The following KCTD1 variants were observed in gnomAD, a reference collection of about 807,000 sequenced individuals.
KCTD1 encodes BTB/POZ domain-containing protein KCTD1.
A neutral mutation model predicts 66.0 loss-of-function variants in KCTD1; 24 were observed. That is an observed-to-expected ratio of 0.36 (90% CI 0.26 to 0.51). The LOEUF (loss-of-function observed/expected upper bound fraction) is 0.51, where lower values mean the gene tolerates loss of function less well. KCTD1 is among the 20% of genes least tolerant of loss of function. KCTD1 has a pLI of 0.95. For missense variants in KCTD1, 943 were observed against 1,205.2 expected (o/e 0.78, Z 3.22); for synonymous variants, 511 against 517.2 (o/e 0.99, Z 0.16).
In KCTD1 at chr18:26,520,718, C is replaced by G. The variant is rs183614405; in HGVS notation, c.1810-19468G>C. Among the ~76,000 whole-genome samples the G allele has an allele frequency of 1.1e-3, 161 of 152,332 alleles. 3 individuals carry two copies. Among genetic ancestry groups the G allele is most frequent in the African/African-American group, 3.7e-3 (153 of 41,580 alleles). On this transcript the variant is annotated intron_variant, in intron 1 of 4. Transcript: ENST00000580059. ...TTTAAAATGTTTACTATGTCCCAAA[C>G]AAGAGGCTGGAAAATTATTAGCTTT...
intron 1 of KCTD1, among the ~76,000 whole-genome samples, chr18:26,591,768 C>T (rs753901457): frequency 5.9e-5 from 9 of 152,172 alleles, no homozygotes; most frequent in Non-Finnish European, 8.8e-5. Context: ...ATTCGAACCA[C>T]CGAACTTTAT....
At chr18:26,601,092 A>G (rs2144969967) in intron 1 of KCTD1, among the ~76,000 whole-genome samples, 1 of 152,170 alleles carries the variant, frequency 6.6e-6, no homozygotes, top group South Asian at 2.1e-4. Context: ...GGCTAGTCCT[A>G]CGCTTAGAAT....
At chr18:26,600,460 T>G (rs1986866575) in intron 1 of KCTD1, 1 of 664,876 alleles carries the variant, frequency 1.5e-6, no homozygotes, top group Admixed American at 2.2e-5. Flanking sequence ...ATTTGCAGAG[T>G]GGGTGCTTAG....
At chr18:26,653,242 G>C (rs1031286364) in intron 1 of KCTD1, among the ~76,000 whole-genome samples, 1 of 152,152 alleles carries the variant, frequency 6.6e-6, no homozygotes, top group African/African-American at 2.4e-5. Flanking sequence ...CTGCATCACT[G>C]CTTCCTCCGT....
intron 1 of KCTD1, chr18:26,566,884 T>C (rs1234307740): frequency 1.3e-5 from 2 of 150,656 alleles, no homozygotes; most frequent in Non-Finnish European, 2.9e-5. Context: ...GAAGGGATTA[T>C]GATCTATGTA....
chr18:26,510,595 T>A (rs984495232), intron 1 of KCTD1, among the ~76,000 whole-genome samples: 2 of 152,202 alleles, frequency 1.3e-5, no homozygotes, highest in Non-Finnish European at 2.9e-5. Context: ...GAAATATGTA[T>A]CTGAGAAGCT....
upstream of KCTD1, among the ~76,000 whole-genome samples, chr18:26,551,168 C>T (rs1228976830): frequency 6.6e-6 from 1 of 152,310 alleles, no homozygotes; most frequent in East Asian, 1.9e-4. Flanking sequence ...CTGGGTTGGA[C>T]GCTCCGGGAA....
At chr18:26,501,311 C>T in intron 1 of KCTD1, 61 bp from the exon 2 acceptor site, 2 of 1,389,860 alleles carry the variant, frequency 1.4e-6, no homozygotes, top group East Asian at 2.3e-5. Context: ...ATAGGAAATA[C>T]ATATAGCATA....
chr18:26,650,731 G>A (rs2145078716), intron 1 of KCTD1, among the ~76,000 whole-genome samples: 1 of 152,286 alleles, frequency 6.6e-6, no homozygotes, highest in Middle Eastern at 3.4e-3. Flanking sequence ...GAAAGTCTGG[G>A]TCTTTTGTTT....
upstream of KCTD1, among the ~76,000 whole-genome samples, chr18:26,552,283 C>T (rs1031722377): frequency 6.6e-6 from 1 of 152,228 alleles, no homozygotes; most frequent in Admixed American, 6.5e-5. Flanking sequence ...TTCAGCTCTT[C>T]CTCCTTTTTG....
intron 1 of KCTD1, among the ~76,000 whole-genome samples, chr18:26,563,919 T>A (rs186793886): frequency 4.5e-4 from 69 of 152,314 alleles, no homozygotes; most frequent in African/African-American, 1.6e-3. Context: ...TCACTCTGTA[T>A]GGCAGATTTC....
In KCTD1 at chr18:26,580,332, G is replaced by A. The variant is rs564198779; in HGVS notation, c.-16+48815C>T. Among the ~76,000 whole-genome samples the A allele has an allele frequency of 2.6e-5, 4 of 152,122 alleles. No individual in the cohort carries two copies. In the South Asian group the frequency reaches 6.2e-4, roughly 24 times the overall value. On this transcript the variant is annotated intron_variant, in intron 1 of 4. Coordinates refer to the KCTD1 transcript ENST00000317932. Reference sequence around the variant, plus strand: ...AATAGGTGGACTGTGCAGTGGGCGCGGTTTGCATCTAGTAAGGGAACTTAG... The same window carrying A: ...AATAGGTGGACTGTGCAGTGGGCGCAGTTTGCATCTAGTAAGGGAACTTAG...
chr18:26,611,331 G>T (rs1259082987), intron 1 of KCTD1, among the ~76,000 whole-genome samples: 4 of 129,084 alleles, frequency 3.1e-5, no homozygotes, highest in Non-Finnish European at 3.2e-5. Context: ...TAGTAACTGG[G>T]TTTTGTTTGT....
chr18:26,548,465 G>A lies in KCTD1; in HGVS notation c.72C>T (p.Ala24=). 3.2e-6 allele frequency: 4 copies of A among 1,262,042 alleles called. No homozygotes were observed. Among genetic ancestry groups the A allele is most frequent in the Non-Finnish European group, 4.0e-6 (4 of 1,011,610 alleles). The allele number at this position is 1,262,042 out of a possible 1,614,324, so 78.2% of individuals were successfully genotyped here. A position where few individuals can be genotyped will look rare whatever the true frequency, so the allele number is the denominator to read the frequency against. ...CGCCCCGCTCCCCATTGTTCTCGGC[G>A]GCGGCGGCGGCAGCGCTGGCGCTGC... ...AGGSASAAAA[A]AENNGERGEG... The change falls in exon 1 of 5, where the codon GCC becomes GCT. Residue 24 remains alanine (A), a synonymous_variant. Coordinates refer to ENST00000580059, the MANE Select transcript of KCTD1 (RefSeq NM_001142730.3).
chr18:26,620,073 A>T (rs1378556750), intron 1 of KCTD1, among the ~76,000 whole-genome samples: 1 of 152,030 alleles, frequency 6.6e-6, no homozygotes, highest in African/African-American at 2.4e-5. Context: ...AGGTCTCTGA[A>T]CTCCTCGAGG....
At chr18:26,481,504 C>T (rs1981645564) in intron 2 of KCTD1, among the ~76,000 whole-genome samples, 1 of 152,084 alleles carries the variant, frequency 6.6e-6, no homozygotes, top group African/African-American at 2.4e-5. Context: ...CAGCAGAAGC[C>T]AGATCGTAAA....
At chr18:26,550,899 G>A (rs1598937396), upstream of KCTD1, among the ~76,000 whole-genome samples, 1 of 152,224 alleles carries the variant, frequency 6.6e-6, no homozygotes, top group Non-Finnish European at 1.5e-5. This position sits in a 1 kb window ranked among gnomAD's most constrained non-coding sequence, Gnocchi z 5.4. Context: ...GAGAACTCAG[G>A]TGGGTGCCCG....
rs546899042 is a variant in KCTD1, at chr18:26,508,142, C to T, written c.1810-6892G>A. 2.6e-5 allele frequency among the ~76,000 whole-genome samples: 4 copies of T among 152,290 alleles called. 1 individual carries two copies. The South Asian group carries it at 8.3e-4, about 32-fold the overall frequency. ...TCACCAAATCTGACTAAAATATACT[C>T]TGACATGAAACAGCCCTTAGGAATT... On this transcript the variant is annotated intron_variant, in intron 1 of 4. Transcript: ENST00000580059.
chr18:26,513,309 C>G (rs571775600), intron 1 of KCTD1, among the ~76,000 whole-genome samples: 6 of 152,146 alleles, frequency 3.9e-5, no homozygotes, highest in Admixed American at 6.5e-5. Context: ...GGATGGTCTC[C>G]ATCTCCTGAC....
Sources: gnomAD v4.1 joint callset for allele counts (sites outside exome capture counted in the v4.1 genomes callset) on GRCh38, gnomAD v4.1.1 for gene constraint, Gnocchi (gnomAD v3.1) non-coding constraint, MANE v1.5 for transcripts, NCBI Gene and HGNC (gene_info 2026-07-23, HGNC 2026-07-21) for gene names.